EFR3A: variants seen among roughly 807,000 people sequenced by gnomAD.
EFR3A encodes the protein EFR3 homolog A.
Under a neutral mutation model 104.4 loss-of-function variants are expected in EFR3A, and 76 were observed. The ratio of observed to expected loss-of-function variants is 0.73; its 90% CI spans 0.60 to 0.88. The LOEUF (loss-of-function observed/expected upper bound fraction) is 0.88, where lower values mean the gene tolerates loss of function less well. Ranked by LOEUF, EFR3A falls within the 40% of genes least tolerant of loss-of-function variation. The probability of loss-of-function intolerance (pLI) is 0.00; values close to 1 mark genes in which losing one functional copy is unlikely to be tolerated. For missense variants in EFR3A, 985 were observed against 1,012.5 expected (o/e 0.97, Z 0.37); for synonymous variants, 330 against 330.0 (o/e 1.00, Z 0.00).
chr8:131,964,232 CAGG>C (rs1819565064), intron 8 of EFR3A, among the ~76,000 whole-genome samples: 1 of 151,368 alleles, frequency 6.6e-6, no homozygotes, highest in African/African-American at 2.4e-5. Context: ...GGCAATCAGG[CAGG>C]AGAAGGAAAT....
Position 132,001,757 on chromosome 8 carries a change from A to T in EFR3A, c.2158-2A>T. 6.2e-7 allele frequency: 1 copy of T among 1,612,910 alleles called. No homozygotes were observed. The highest frequency in any genetic ancestry group is 8.5e-7 in the Non-Finnish European group (1 of 1,179,106). On this transcript the variant is annotated splice_acceptor_variant, in intron 19 of 22. Transcript: ENST00000254624. LOFTEE classifies it high-confidence loss of function. The stretch of plus-strand genomic sequence containing the variant: ...TCGATTTCACTTATCACTTTTCTCT[A>T]GGTTAGTAACACTGAAGAAATCACT...
intron 3 of EFR3A, among the ~76,000 whole-genome samples, chr8:131,946,238 C>A (rs559342204): frequency 6.6e-6 from 1 of 152,076 alleles, no homozygotes; most frequent in South Asian, 2.1e-4. Context: ...GTTAAGCTCA[C>A]ATAGTTAAGG....
chr8:131,939,368 T>G (rs1173012978), intron 1 of EFR3A, among the ~76,000 whole-genome samples: 1 of 152,130 alleles, frequency 6.6e-6, no homozygotes, highest in Non-Finnish European at 1.5e-5. Flanking sequence ...CTTCACCATT[T>G]GCTTATCTGT....
At chr8:131,946,183 T>C (rs577152563) in intron 3 of EFR3A, among the ~76,000 whole-genome samples, 148 of 152,142 alleles carry the variant, frequency 9.7e-4, no homozygotes, top group Non-Finnish European at 1.9e-3. Flanking sequence ...GTCTGGAAAA[T>C]AGAAAATGTC....
intron 1 of EFR3A, among the ~76,000 whole-genome samples, chr8:131,929,420 G>A (rs1455806335): frequency 1.3e-5 from 2 of 152,102 alleles, no homozygotes; most frequent in Non-Finnish European, 2.9e-5. Context: ...CCCTTTGCCT[G>A]GGAATAATAA....
rs544650563 is a variant in EFR3A, at chr8:131,922,264, A to G, written c.10+17942A>G. 2.6e-5 allele frequency among the ~76,000 whole-genome samples: 4 copies of G among 152,232 alleles called. No homozygotes were observed. In the East Asian group the frequency reaches 5.8e-4, roughly 22 times the overall value. ...ATGACCTCATCTTGATTATATCTGC[A>G]AAGACCCCATTTCGAAATAAAGTCA... On this transcript the variant is annotated intron_variant, in intron 1 of 22. Transcript: ENST00000254624.
chr8:131,965,600 T>G (rs1376388300), intron 8 of EFR3A, among the ~76,000 whole-genome samples: 2 of 152,220 alleles, frequency 1.3e-5, no homozygotes, highest in Admixed American at 6.5e-5. Flanking sequence ...GGCACACTTT[T>G]ACACTGTTGG....
At chr8:131,922,601 T>C (rs1427520543) in intron 1 of EFR3A, among the ~76,000 whole-genome samples, 3 of 152,166 alleles carry the variant, frequency 2.0e-5, no homozygotes, top group Admixed American at 2.0e-4. Context: ...GTCCATTGCT[T>C]CTTAAAATCA....
At chr8:131,968,949 T>A (rs1239956002) in intron 9 of EFR3A, among the ~76,000 whole-genome samples, 3 of 152,196 alleles carry the variant, frequency 2.0e-5, no homozygotes, top group Non-Finnish European at 1.5e-5. Context: ...GTTCTTCAGC[T>A]GATTAATAGT....
Position 131,984,935 on chromosome 8 carries a change from GCAATT to G in EFR3A, c.1745_1749del (p.Ala582AspfsTer3). 1.9e-6 allele frequency: 3 copies of G among 1,613,138 alleles called. No homozygotes were observed. Among genetic ancestry groups the G allele is most frequent in the Non-Finnish European group, 2.5e-6 (3 of 1,179,438 alleles). ...TGTTTGTTTCTTATTAAAGGACAGT[GCAATT>G]ATCAATGAGGATAATTTGCCAATGT... is the stretch of plus-strand genomic sequence containing the variant. On this transcript the variant is annotated frameshift_variant, in exon 16 of 23. Coordinates refer to ENST00000254624, the MANE Select transcript of EFR3A (RefSeq NM_015137.6). LOFTEE classifies it high-confidence loss of function.
At chr8:131,905,479 T>C (rs1816210149) in intron 1 of EFR3A, among the ~76,000 whole-genome samples, 1 of 152,214 alleles carries the variant, frequency 6.6e-6, no homozygotes, top group African/African-American at 2.4e-5. Flanking sequence ...ATTTAAAGAT[T>C]TTCCTGTGGC....
At position 132,005,109 on chromosome 8, in the gene EFR3A, C is replaced by T. The variant is rs186565186; in HGVS notation, c.2360+1824C>T. Among the ~76,000 whole-genome samples the T allele has an allele frequency of 2.6e-5, 4 of 152,258 alleles. No homozygotes were observed. The East Asian group carries it at 7.7e-4, about 29-fold the overall frequency. On this transcript the variant is annotated intron_variant, in intron 22 of 22. Coordinates refer to ENST00000254624, the MANE Select transcript of EFR3A (RefSeq NM_015137.6). ...ATTTAATATCTGCAACAGACTCTAA[C>T]AAACAGATAGTGATTATTCTCATTT...
chr8:131,925,445 A>G (rs1373301886), intron 1 of EFR3A, among the ~76,000 whole-genome samples: 1 of 152,118 alleles, frequency 6.6e-6, no homozygotes, highest in Non-Finnish European at 1.5e-5. Flanking sequence ...GCAGGCAGGT[A>G]ATGCATTGCA....
chr8:132,007,446 A>AT (rs1277349435), intron 22 of EFR3A, among the ~76,000 whole-genome samples: 2 of 151,976 alleles, frequency 1.3e-5, no homozygotes, highest in African/African-American at 4.8e-5. Context: ...TGTTATGAAT[A>AT]TAAAACATGA....
At chr8:131,953,127 T>C (rs1818790237) in intron 5 of EFR3A, among the ~76,000 whole-genome samples, 1 of 152,130 alleles carries the variant, frequency 6.6e-6, no homozygotes, top group Admixed American at 6.6e-5. Context: ...TTCTTTTGCT[T>C]TTTTAAAGAA....
intron 2 of EFR3A, among the ~76,000 whole-genome samples, chr8:131,944,232 G>C (rs1049519501): frequency 6.6e-6 from 1 of 151,996 alleles, no homozygotes; most frequent in Non-Finnish European, 1.5e-5. Context: ...TCAGGGACCT[G>C]TTGTTGCTTT....
intron 10 of EFR3A, 103 bp from the exon 11 acceptor site, chr8:131,975,924 G>A: frequency 1.5e-6 from 1 of 659,698 alleles, no homozygotes; most frequent in South Asian, 1.9e-5. Flanking sequence ...ACTTGTGAGG[G>A]ATTGTTTTAC....
chr8:131,950,532 A>G (rs1273151856), intron 5 of EFR3A, among the ~76,000 whole-genome samples: 2 of 152,106 alleles, frequency 1.3e-5, no homozygotes, highest in African/African-American at 2.4e-5. Context: ...CCTTATCACA[A>G]GAACCCTCCC....
intron 2 of EFR3A, among the ~76,000 whole-genome samples, chr8:131,941,816 G>A (rs1177913287): frequency 6.6e-6 from 1 of 152,032 alleles, no homozygotes; most frequent in Non-Finnish European, 1.5e-5. Flanking sequence ...TCTCTTTATT[G>A]CAAGTGAGGG....
Sources: gnomAD v4.1 joint callset for allele counts (sites outside exome capture counted in the v4.1 genomes callset) on GRCh38, gnomAD v4.1.1 for gene constraint, MANE v1.5 for transcripts, NCBI Gene and HGNC (gene_info 2026-07-23, HGNC 2026-07-21) for gene names.